PCDHGB3: variants seen among roughly 807,000 people sequenced by gnomAD.
The protein encoded by PCDHGB3 is protocadherin gamma subfamily B, 3.
Under a neutral mutation model 59.2 loss-of-function variants are expected in PCDHGB3, and 40 were observed. The ratio of observed to expected loss-of-function variants is 0.68; its 90% CI spans 0.52 to 0.88. The LOEUF (loss-of-function observed/expected upper bound fraction) is 0.88. PCDHGB3 is among the 40% of genes least tolerant of loss of function. The probability of loss-of-function intolerance (pLI) is 0.00; values close to 1 mark genes in which losing one functional copy is unlikely to be tolerated. For synonymous variants in PCDHGB3, 581 were observed against 503.6 expected, an observed-to-expected ratio of 1.15 and a Z score of -2.06; for missense variants, 1,309 against 1,187.9, an observed-to-expected ratio of 1.10 and a Z score of -1.50.
chr5:141,502,750 A>G (rs974131144), intron 2 of PCDHGB3, among the ~76,000 whole-genome samples: 3 of 151,928 alleles, frequency 2.0e-5, no homozygotes, highest in Non-Finnish European at 4.4e-5. Context: ...TTCCTTCTAC[A>G]TGTATTTGCT....
At chr5:141,420,061 G>A (rs376044810) in intron 1 of PCDHGB3, 3 of 1,613,958 alleles carry the variant, frequency 1.9e-6, no homozygotes, top group Non-Finnish European at 2.5e-6. Flanking sequence ...TCTGCTCCAA[G>A]TCCGGACCTG....
At chr5:141,417,795 T>C in intron 1 of PCDHGB3, 1 of 1,483,780 alleles carries the variant, frequency 6.7e-7, no homozygotes, top group Non-Finnish European at 9.0e-7. Context: ...AATGCTCTTT[T>C]AGCGCGGTAG....
intron 1 of PCDHGB3, chr5:141,384,877 C>T (rs2150276041): frequency 6.2e-7 from 1 of 1,613,844 alleles, no homozygotes; most frequent in African/African-American, 1.3e-5. Context: ...CACCGTCACA[C>T]TCACCGTGGC....
At chr5:141,467,431 C>T (rs1452587540) in intron 1 of PCDHGB3, among the ~76,000 whole-genome samples, 1 of 152,170 alleles carries the variant, frequency 6.6e-6, no homozygotes, top group African/African-American at 2.4e-5. Flanking sequence ...GTTATAGAAA[C>T]ATTCATTACT....
Position 141,376,230 on chromosome 5 carries a change from T to C in PCDHGB3, c.2415+3421T>C, listed in dbSNP as rs567339650. The C allele has an allele frequency of 4.3e-6, 7 of 1,614,210 alleles. No homozygotes were observed. The East Asian group carries it at 6.7e-5, about 15-fold the overall frequency. ...GTCATCGTGCTGCTGGCGCTCAGACTGCAGCGCTGGCACAAGTCACGCCTG... is the reference window on the plus strand; with the variant it reads ...GTCATCGTGCTGCTGGCGCTCAGACCGCAGCGCTGGCACAAGTCACGCCTG... On this transcript the variant is annotated intron_variant, in intron 1 of 3. Coordinates refer to ENST00000576222, the MANE Select transcript of PCDHGB3 (RefSeq NM_018924.5).
intron 1 of PCDHGB3, chr5:141,383,041 A>C: frequency 6.2e-7 from 1 of 1,613,860 alleles, no homozygotes; most frequent in Non-Finnish European, 8.5e-7. Context: ...TGTGGGAGAC[A>C]TCGCCAAGGA....
chr5:141,397,199 T>G (rs1317536621), intron 1 of PCDHGB3, among the ~76,000 whole-genome samples: 1 of 152,156 alleles, frequency 6.6e-6, no homozygotes, highest in African/African-American at 2.4e-5. Context: ...GTAAAAGATA[T>G]GACATAAGAG....
chr5:141,395,179 A>T (rs1031739375), intron 1 of PCDHGB3: 2 of 1,614,164 alleles, frequency 1.2e-6, no homozygotes, highest in Non-Finnish European at 1.7e-6. Context: ...GAGAAAAATG[A>T]TTCTTTGTTA....
Position 141,371,614 on chromosome 5 carries a change from A to G in PCDHGB3, c.1220A>G (p.Asp407Gly). ...DTKNTYRLVT[D>G]GALDREQIPE... is the part of the protein sequence containing the mutation. The stretch of plus-strand genomic sequence containing the variant: ...AAAAACACATACAGGTTGGTGACAG[A>G]TGGAGCCCTGGACCGGGAGCAGATC... The change falls in exon 1 of 4, where the codon GAT becomes GGT. Residue 407 changes from aspartate to glycine, a missense_variant. Coordinates refer to ENST00000576222, the MANE Select transcript of PCDHGB3 (RefSeq NM_018924.5). 6.2e-7 allele frequency: 1 copy of G among 1,614,024 alleles called. No individual in the cohort carries two copies. Among genetic ancestry groups the G allele is most frequent in the Non-Finnish European group, 8.5e-7 (1 of 1,179,892 alleles).
At position 141,432,225 on chromosome 5, in the gene PCDHGB3, A is replaced by T; in HGVS notation, c.2415+59416A>T. On this transcript the variant is annotated intron_variant, in intron 1 of 3. Transcript: ENST00000576222. This position sits in a 1 kb window ranked among gnomAD's most constrained non-coding sequence, Gnocchi z 6.0. ...TGTGAAGAGAACGCCCAGATCACTT[A>T]TTCCCTGGCTGAGAACACCATCCAA... The T allele has an allele frequency of 1.2e-6, 2 of 1,614,206 alleles. No individual in the cohort carries two copies. Among genetic ancestry groups the T allele is most frequent in the South Asian group, 2.2e-5 (2 of 91,080 alleles).
chr5:141,446,088 T>C (rs2098487177), intron 1 of PCDHGB3, among the ~76,000 whole-genome samples: 1 of 152,100 alleles, frequency 6.6e-6, no homozygotes, highest in African/African-American at 2.4e-5. Flanking sequence ...TAGAAATAAA[T>C]GGATGAATTA....
intron 1 of PCDHGB3, chr5:141,416,636 C>A (rs2096047139): frequency 6.6e-6 from 1 of 152,066 alleles, no homozygotes; most frequent in South Asian, 2.1e-4. Context: ...AATATAAACA[C>A]CAACCACAGC....
intron 1 of PCDHGB3, chr5:141,441,337 T>A (rs980210130): frequency 6.6e-6 from 1 of 152,112 alleles, no homozygotes; most frequent in African/African-American, 2.4e-5. Flanking sequence ...CTCCAATAAT[T>A]AACTACATGC....
intron 1 of PCDHGB3, among the ~76,000 whole-genome samples, chr5:141,459,324 T>G (rs2098966238): frequency 6.6e-6 from 1 of 152,226 alleles, no homozygotes; most frequent in African/African-American, 2.4e-5. Flanking sequence ...ATCCATCTTC[T>G]TTTACTCCAA....
intron 1 of PCDHGB3, among the ~76,000 whole-genome samples, chr5:141,397,282 T>A (rs2150702726): frequency 6.6e-6 from 1 of 152,350 alleles, no homozygotes; most frequent in South Asian, 2.1e-4. Context: ...ATGGGCAGTA[T>A]ACTTGAATGA....
chr5:141,501,509 C>T lies in PCDHGB3; in HGVS notation c.2475-3884C>T, dbSNP rs1046763108. 4.6e-5 allele frequency among the ~76,000 whole-genome samples: 7 copies of T among 152,080 alleles called. No individual in the cohort carries two copies. The South Asian group carries it at 6.2e-4, about 14-fold the overall frequency. On this transcript the variant is annotated intron_variant, in intron 2 of 3. Transcript: ENST00000576222. The stretch of plus-strand genomic sequence containing the variant: ...ATATCTGCTGCTGGGGCTCCAAGGC[C>T]TCCAAGCTGAAGCCCAGTACGTTGT...
rs1481476869 is a variant in PCDHGB3, at chr5:141,371,332, A to C, written c.938A>C (p.Asp313Ala). 3 of 1,613,988 alleles carry C rather than the reference A, an allele frequency of 1.9e-6. No homozygotes were observed. Among genetic ancestry groups the C allele is most frequent in the Admixed American group, 1.7e-5 (1 of 60,030 alleles). The stretch of plus-strand genomic sequence containing the variant: ...GGAGAACTGGACTTTGAAGAGAGAG[A>C]TAGCTACACAATTGGGGTGGAAGCA... ...TIGELDFEER[D>A]SYTIGVEAKD... is the part of the protein sequence containing the mutation. The change falls in exon 1 of 4, where the codon GAT becomes GCT. Residue 313 changes from aspartate to alanine, a missense_variant. Asp to Ala is a moderately radical substitution (Grantham distance 126, BLOSUM62 -2). Coordinates refer to ENST00000576222, the MANE Select transcript of PCDHGB3 (RefSeq NM_018924.5).
At chr5:141,427,992 T>C in intron 1 of PCDHGB3, 1 of 1,599,002 alleles carries the variant, frequency 6.3e-7, no homozygotes, top group Non-Finnish European at 8.6e-7. Context: ...GCCCGATGGC[T>C]CCGCACTCTT....
chr5:141,451,414 A>G (rs934393544), intron 1 of PCDHGB3, among the ~76,000 whole-genome samples: 2 of 152,108 alleles, frequency 1.3e-5, no homozygotes, highest in African/African-American at 2.4e-5. Flanking sequence ...TTCCTTGTGG[A>G]TTGTTAGACT....
Sources: gnomAD v4.1 joint callset for allele counts (sites outside exome capture counted in the v4.1 genomes callset) on GRCh38, gnomAD v4.1.1 for gene constraint, Gnocchi (gnomAD v3.1) non-coding constraint, MANE v1.5 for transcripts, NCBI Gene and HGNC (gene_info 2026-07-23, HGNC 2026-07-21) for gene names.